NUDCD3: variants seen among roughly 807,000 people sequenced by gnomAD.
NUDCD3 encodes NudC domain containing 3, also known as nudC domain-containing protein 3.
A neutral mutation model predicts 39.7 loss-of-function variants in NUDCD3; 13 were observed. That is an observed-to-expected ratio of 0.33 (90% CI 0.21 to 0.52). The LOEUF (loss-of-function observed/expected upper bound fraction) is 0.52, where lower values mean the gene tolerates loss of function less well. Among genes scored for constraint, NUDCD3 ranks in the 20% least tolerant of loss-of-function variants. The pLI is 0.96. For synonymous variants in NUDCD3, 175 were observed against 172.4 expected, an observed-to-expected ratio of 1.02 and a Z score of -0.12; for missense variants, 453 against 458.1, an observed-to-expected ratio of 0.99 and a Z score of 0.10.
Position 44,452,738 on chromosome 7 carries a change from G to C in NUDCD3, c.510-25035C>G, listed in dbSNP as rs116954258. Among the ~76,000 whole-genome samples, 1,319 of 152,304 alleles carry C rather than the reference G, an allele frequency of 8.7e-3. 20 individuals carry two copies. The highest frequency in any genetic ancestry group is 0.013 in the Non-Finnish European group (911 of 68,028). ...GCCAGGAAAGGCCATCGGAGTGAGG[G>C]ACTGGCCTCGCCAGGTGACAAGAAC... On this transcript the variant is annotated intron_variant, in intron 2 of 5. Transcript: ENST00000355451.
At chr7:44,464,213 C>CAA (rs776316432) in intron 2 of NUDCD3, among the ~76,000 whole-genome samples, 6 of 70,076 alleles carry the variant, frequency 8.6e-5, no homozygotes, top group African/African-American at 1.9e-4. Context: ...GACCCCATCT[C>CAA]AAAAAAAAAA....
intron 3 of NUDCD3, among the ~76,000 whole-genome samples, chr7:44,424,903 C>G (rs1315631308): frequency 6.6e-6 from 1 of 152,122 alleles, no homozygotes; most frequent in African/African-American, 2.4e-5. Flanking sequence ...AAATGCCCAT[C>G]AATGATAGAC....
intron 1 of NUDCD3, among the ~76,000 whole-genome samples, chr7:44,488,803 C>T (rs1800671019): frequency 6.6e-6 from 1 of 152,202 alleles, no homozygotes; most frequent in South Asian, 2.1e-4. Context: ...AAATCCTAAC[C>T]TATGGAAGTG....
chr7:44,455,854 G>A (rs1195875772), intron 2 of NUDCD3, among the ~76,000 whole-genome samples: 15 of 150,714 alleles, frequency 1.0e-4, no homozygotes, highest in African/African-American at 3.2e-4. Flanking sequence ...GTGAAACCCC[G>A]TCTCTACTAA....
intron 5 of NUDCD3, among the ~76,000 whole-genome samples, chr7:44,388,924 G>A (rs1260660782): frequency 6.6e-6 from 1 of 152,250 alleles, no homozygotes; most frequent in East Asian, 1.9e-4. Context: ...CTGGACCACA[G>A]CATCTTCAAG....
intron 2 of NUDCD3, among the ~76,000 whole-genome samples, chr7:44,428,573 T>C (rs1799287056): frequency 6.6e-6 from 1 of 152,220 alleles, no homozygotes; most frequent in Non-Finnish European, 1.5e-5. Flanking sequence ...GTATGCATCA[T>C]TGTTAAGACA....
intron 2 of NUDCD3, among the ~76,000 whole-genome samples, chr7:44,444,138 GCTCAGGCCAGTGCAAGGAGGGCTACAGA>G (rs1266029550): frequency 6.6e-6 from 1 of 152,162 alleles, no homozygotes; most frequent in African/African-American, 2.4e-5. Flanking sequence ...GAATGAGAAG[GCTCAGGCCAGTGCAAGGAGGGCTACAGA>G]CTCAGGGTCC....
intron 3 of NUDCD3, among the ~76,000 whole-genome samples, chr7:44,412,481 A>G (rs1020828821): frequency 7.2e-5 from 11 of 152,248 alleles, no homozygotes; most frequent in African/African-American, 2.7e-4. Flanking sequence ...GCCTGTATCT[A>G]ATCAAATACA....
intron 3 of NUDCD3, among the ~76,000 whole-genome samples, chr7:44,427,093 C>T (rs1799250299): frequency 6.6e-6 from 1 of 152,182 alleles, no homozygotes; most frequent in African/African-American, 2.4e-5. Flanking sequence ...ATGACAGATG[C>T]TATGTGAATG....
At chr7:44,479,077 T>C (rs1800437350) in intron 2 of NUDCD3, among the ~76,000 whole-genome samples, 5 of 152,152 alleles carry the variant, frequency 3.3e-5, no homozygotes, top group Non-Finnish European at 7.4e-5. Context: ...AAAAGTCCCT[T>C]ATAAAACCGT....
chr7:44,430,599 CACACA>C (rs1419521704), intron 2 of NUDCD3, among the ~76,000 whole-genome samples: 1 of 151,008 alleles, frequency 6.6e-6, no homozygotes, highest in Admixed American at 6.6e-5. Flanking sequence ...CACACACACA[CACACA>C]AAAGACCAAC....
chr7:44,426,111 C>T, intron 3 of NUDCD3: 1 of 985,292 alleles, frequency 1.0e-6, no homozygotes, highest in Non-Finnish European at 1.2e-6. Context: ...CTTTGCTTTG[C>T]CTCTCAGGAC....
At chr7:44,432,778 T>C (rs781685734) in intron 2 of NUDCD3, among the ~76,000 whole-genome samples, 1 of 152,234 alleles carries the variant, frequency 6.6e-6, no homozygotes, top group African/African-American at 2.4e-5. Context: ...ACAACATCCC[T>C]GTCACCCTCA....
intron 3 of NUDCD3, among the ~76,000 whole-genome samples, chr7:44,411,095 A>G (rs760387597): frequency 1.3e-5 from 2 of 152,258 alleles, no homozygotes; most frequent in Non-Finnish European, 1.5e-5. Flanking sequence ...ATTCACATGC[A>G]AAAGAATGAA....
chr7:44,397,189 G>T (rs1344188235), intron 4 of NUDCD3, among the ~76,000 whole-genome samples: 1 of 152,194 alleles, frequency 6.6e-6, no homozygotes, highest in Non-Finnish European at 1.5e-5. Context: ...GTGCAGCCCT[G>T]TATCTGCTGC....
At chr7:44,417,489 G>A (rs1008058702) in intron 3 of NUDCD3, among the ~76,000 whole-genome samples, 57 of 152,272 alleles carry the variant, frequency 3.7e-4, no homozygotes, top group Middle Eastern at 3.4e-3. Flanking sequence ...TTTTAGCTTG[G>A]GCCTAATACA....
At chr7:44,432,371 C>A (rs1340822089) in intron 2 of NUDCD3, among the ~76,000 whole-genome samples, 1 of 152,152 alleles carries the variant, frequency 6.6e-6, no homozygotes, top group Non-Finnish European at 1.5e-5. Flanking sequence ...AAAGACCTAA[C>A]CTGAAGAGTT....
intron 2 of NUDCD3, among the ~76,000 whole-genome samples, chr7:44,456,227 GA>G (rs749064332): frequency 8.1e-5 from 12 of 148,284 alleles, no homozygotes; most frequent in East Asian, 5.9e-4. Flanking sequence ...CAGGATATAG[GA>G]AAAAAAAAAT....
intron 2 of NUDCD3, among the ~76,000 whole-genome samples, chr7:44,459,684 G>A (rs1174088874): frequency 6.6e-6 from 1 of 152,144 alleles, no homozygotes; most frequent in African/African-American, 2.4e-5. Context: ...AACATATGGT[G>A]GAGAAGAAGA....
Sources: allele counts gnomAD v4.1 joint callset (sites outside exome capture counted in the v4.1 genomes callset), GRCh38; gene constraint gnomAD v4.1.1; transcripts MANE v1.5; gene names NCBI Gene and HGNC (gene_info 2026-07-23, HGNC 2026-07-21).